Variants in MEIS1 observed in about 807,000 individuals in gnomAD.
MEIS1 encodes homeobox protein Meis1.
In MEIS1, 5 loss-of-function variants were observed where a neutral mutation model predicts 50.8. That is an observed-to-expected ratio of 0.10 (90% CI 0.05 to 0.21). The LOEUF (loss-of-function observed/expected upper bound fraction) is 0.21, where lower values mean the gene tolerates loss of function less well. Ranked by LOEUF, MEIS1 falls within the 10% of genes least tolerant of loss-of-function variation. The pLI, the probability that MEIS1 is intolerant of heterozygous loss-of-function variation, is 1.00. For missense variants in MEIS1, 318 were observed against 517.3 expected (o/e 0.61, Z 3.74); for synonymous variants, 176 against 179.3 (o/e 0.98, Z 0.15).
intron 9 of MEIS1, chr2:66,562,227 C>A (rs1382280739): frequency 6.6e-6 from 1 of 151,234 alleles, no homozygotes; most frequent in Non-Finnish European, 1.5e-5. Context: ...CAGAGGGAAA[C>A]TAAACTTAGC....
chr2:66,555,147 CAGTT>C (rs973723346), intron 9 of MEIS1, among the ~76,000 whole-genome samples: 27 of 152,248 alleles, frequency 1.8e-4, no homozygotes, highest in Admixed American at 4.6e-4. Flanking sequence ...TGTCAGGTGT[CAGTT>C]AGATAAGATT....
chr2:66,571,168 G>A (rs557254612), intron 12 of MEIS1, 78 bp from the exon 13 acceptor site: 175 of 1,416,648 alleles, frequency 1.2e-4, no homozygotes, highest in Non-Finnish European at 1.6e-4. Flanking sequence ...GGCTTTTATA[G>A]GATTGTCATA....
At chr2:66,526,796 C>T (rs1051706686) in intron 8 of MEIS1, among the ~76,000 whole-genome samples, 1 of 152,176 alleles carries the variant, frequency 6.6e-6, no homozygotes, top group Non-Finnish European at 1.5e-5. Flanking sequence ...TAGCTACCCC[C>T]TCTTAATAAG....
intron 7 of MEIS1, among the ~76,000 whole-genome samples, chr2:66,491,668 T>C (rs923714016): frequency 3.3e-5 from 5 of 152,138 alleles, no homozygotes; most frequent in African/African-American, 7.2e-5. Flanking sequence ...AATCAATCTA[T>C]CAAGTGAGGC....
chr2:66,446,687 C>T (rs1341069910), intron 6 of MEIS1, among the ~76,000 whole-genome samples: 1 of 152,224 alleles, frequency 6.6e-6, no homozygotes, highest in Non-Finnish European at 1.5e-5. Flanking sequence ...TTGTCTCTGA[C>T]GTCTGGGGAG....
chr2:66,495,964 G>C (rs1673392134), intron 7 of MEIS1: 1 of 152,406 alleles, frequency 6.6e-6, no homozygotes, highest in Non-Finnish European at 1.5e-5. Context: ...AAGTCAGGCA[G>C]GCCTACGATT....
At position 66,464,452 on chromosome 2, in the gene MEIS1, G is replaced by A. The variant is rs530630886; in HGVS notation, c.742+232G>A. Among the ~76,000 whole-genome samples the A allele has an allele frequency of 4.9e-4, 75 of 152,254 alleles. No individual in the cohort carries two copies. Among genetic ancestry groups the A allele is most frequent in the Admixed American group, 6.5e-4 (10 of 15,302 alleles). The stretch of plus-strand genomic sequence containing the variant: ...TAAAACAGGGTAGTGAATTGACTCA[G>A]GGCAAGATTAGAGAAGTAGCTTAGA... On this transcript the variant is annotated intron_variant, in intron 7 of 12. Coordinates refer to ENST00000272369, the MANE Select transcript of MEIS1 (RefSeq NM_002398.3).
chr2:66,503,569 T>G (rs1028900883), intron 7 of MEIS1, among the ~76,000 whole-genome samples: 1 of 152,168 alleles, frequency 6.6e-6, no homozygotes, highest in Admixed American at 6.5e-5. Flanking sequence ...TTTGTTTAAC[T>G]TTAGTGCCTT....
At chr2:66,567,221 A>T (rs571169552) in intron 9 of MEIS1, among the ~76,000 whole-genome samples, 6 of 152,290 alleles carry the variant, frequency 3.9e-5, no homozygotes, top group African/African-American at 1.4e-4. Flanking sequence ...AACTGTGGTA[A>T]AACAGGCAAA....
At chr2:66,482,123 G>C (rs1472078943) in intron 7 of MEIS1, among the ~76,000 whole-genome samples, 2 of 152,108 alleles carry the variant, frequency 1.3e-5, no homozygotes, top group East Asian at 3.9e-4. Flanking sequence ...GCCTCCCAAA[G>C]TGGTGGGATT....
chr2:66,515,886 A>G (rs1456550090), intron 8 of MEIS1, among the ~76,000 whole-genome samples: 1 of 152,220 alleles, frequency 6.6e-6, no homozygotes, highest in Non-Finnish European at 1.5e-5. Context: ...ATATTTGCAT[A>G]TGAGTCACTG....
chr2:66,499,627 T>C (rs1377171072), intron 7 of MEIS1, among the ~76,000 whole-genome samples: 2 of 149,464 alleles, frequency 1.3e-5, no homozygotes, highest in African/African-American at 2.5e-5. Flanking sequence ...AGCCGAATCA[T>C]AGTGCTCATT....
chr2:66,437,046 C>T, intron 1 of MEIS1: 1 of 783,288 alleles, frequency 1.3e-6, no homozygotes, highest in Non-Finnish European at 1.5e-6. Context: ...TTTTCTTTAA[C>T]TTTGGGGGTG....
Position 66,447,908 on chromosome 2 carries a change from C to T in MEIS1, c.630+4860C>T, listed in dbSNP as rs565008804. Among the ~76,000 whole-genome samples the T allele has an allele frequency of 9.8e-5, 15 of 152,292 alleles. No individual in the cohort carries two copies. The South Asian group carries it at 2.5e-3, about 25-fold the overall frequency. ...GCATGAATAATGGAAAGCAATGATA[C>T]TAATGCTACTTTGTACAAAGTAAAG... is the stretch of plus-strand genomic sequence containing the variant. On this transcript the variant is annotated intron_variant, in intron 6 of 12. Coordinates refer to ENST00000272369, the MANE Select transcript of MEIS1 (RefSeq NM_002398.3).
At chr2:66,446,203 G>A (rs1348908383) in intron 6 of MEIS1, among the ~76,000 whole-genome samples, 1 of 152,194 alleles carries the variant, frequency 6.6e-6, no homozygotes, top group African/African-American at 2.4e-5. Flanking sequence ...CCGGAAGCGG[G>A]GCGCGTGTTC....
At chr2:66,505,731 AG>A in intron 7 of MEIS1, among the ~76,000 whole-genome samples, 1 of 152,366 alleles carries the variant, frequency 6.6e-6, no homozygotes, top group South Asian at 2.1e-4. Context: ...ATTTTAGTTA[AG>A]TAAATGATTT....
At chr2:66,473,908 A>G (rs1291847633) in intron 7 of MEIS1, among the ~76,000 whole-genome samples, 1 of 152,182 alleles carries the variant, frequency 6.6e-6, no homozygotes, top group Non-Finnish European at 1.5e-5. Flanking sequence ...ATTCCCTGCT[A>G]TTAAATGGCA....
chr2:66,480,728 A>T (rs994621350), intron 7 of MEIS1, among the ~76,000 whole-genome samples: 1 of 152,212 alleles, frequency 6.6e-6, no homozygotes, highest in Admixed American at 6.5e-5. Context: ...GCTGTCTAAG[A>T]AAACGATAGG....
intron 7 of MEIS1, among the ~76,000 whole-genome samples, chr2:66,473,377 T>TAAAAAAAAAAA (rs1672809161): frequency 2.1e-5 from 1 of 47,400 alleles, no homozygotes; most frequent in African/African-American, 1.9e-4. Flanking sequence ...AGACTCCATG[T>TAAAAAAAAAAA]CAAAAAAAAA....
Sources: gnomAD v4.1 joint callset for allele counts (sites outside exome capture counted in the v4.1 genomes callset) on GRCh38, gnomAD v4.1.1 for gene constraint, MANE v1.5 for transcripts, NCBI Gene and HGNC (gene_info 2026-07-23, HGNC 2026-07-21) for gene names.